The following TMBIM1 variants were observed in gnomAD, a reference collection of about 807,000 sequenced individuals.
TMBIM1 encodes the protein protein lifeguard 3.
A neutral mutation model predicts 45.1 loss-of-function variants in TMBIM1; 34 were observed. That is an observed-to-expected ratio of 0.75 (90% CI 0.57 to 1.00). The LOEUF (loss-of-function observed/expected upper bound fraction) is 1.00. TMBIM1 is among the 50% of genes least tolerant of loss of function. The pLI is 0.00. For synonymous variants in TMBIM1, 157 were observed against 153.5 expected (o/e 1.02, Z -0.17); for missense variants, 374 against 402.4 (o/e 0.93, Z 0.60).
intron 3 of TMBIM1, 190 bp from the exon 4 acceptor site, chr2:218,279,543 C>A: frequency 1.8e-6 from 1 of 542,978 alleles, no homozygotes. Flanking sequence ...TCCCATGCTC[C>A]CTGCCATCTC....
chr2:218,289,896 A>G (rs1322618339), intron 1 of TMBIM1: 1 of 152,228 alleles, frequency 6.6e-6, no homozygotes, highest in Non-Finnish European at 1.5e-5. Flanking sequence ...CTGGGTGATC[A>G]GTTACGCCCG....
At chr2:218,277,534 C>T in intron 8 of TMBIM1, 81 bp from the exon 9 acceptor site, 3 of 1,606,390 alleles carry the variant, frequency 1.9e-6, no homozygotes, top group Non-Finnish European at 2.6e-6. Context: ...CAGAGGGGAC[C>T]TGCCCAGAAT....
chr2:218,283,050 G>A (rs1464297947), intron 1 of TMBIM1, among the ~76,000 whole-genome samples: 2 of 152,186 alleles, frequency 1.3e-5, no homozygotes, highest in Non-Finnish European at 2.9e-5. Context: ...GGCTCTCTGT[G>A]AGTTCTACCT....
rs11403316 is a variant in TMBIM1 at position 218,276,641 on chromosome 2, A to ACC, written c.735+361_735+362dup. On this transcript the variant is annotated intron_variant, in intron 10 of 11. Coordinates refer to ENST00000258412, the MANE Select transcript of TMBIM1 (RefSeq NM_022152.6). ...ATAAAGGAAATAATTGGATCCAGAG[A>ACC]CCCCCGCAAGGTCCCTTCCACCTAG... 1.8e-4 allele frequency among the ~76,000 whole-genome samples: 27 copies of ACC among 151,776 alleles called. No homozygotes were observed. The South Asian group carries it at 4.4e-3, about 25-fold the overall frequency.
intron 1 of TMBIM1, among the ~76,000 whole-genome samples, chr2:218,285,466 C>G (rs1047054706): frequency 6.6e-6 from 1 of 152,082 alleles, no homozygotes; most frequent in Non-Finnish European, 1.5e-5. Context: ...AGCCAAACTA[C>G]TCAGGCCCTC....
At chr2:218,289,384 G>GT (rs1464854999) in intron 1 of TMBIM1, among the ~76,000 whole-genome samples, 1 of 152,132 alleles carries the variant, frequency 6.6e-6, no homozygotes, top group Admixed American at 6.5e-5. Context: ...GCTCATGCCT[G>GT]TAATCCCAGC....
At chr2:218,277,201 T>C in intron 9 of TMBIM1, 102 bp from the exon 10 acceptor site, 1 of 1,196,446 alleles carries the variant, frequency 8.4e-7, no homozygotes, top group South Asian at 1.2e-5. Context: ...CTAGGGGGTA[T>C]GGGAATGTCC....
At chr2:218,286,860 GA>G (rs34827205) in intron 1 of TMBIM1, 146,594 of 152,226 alleles carry the variant, frequency 0.96, 70,759 homozygotes, top group Non-Finnish European at 1. Flanking sequence ...GCCCAGAGTG[GA>G]AAAAAATAGC....
chr2:218,279,870 G>A (rs1691690145), intron 3 of TMBIM1, among the ~76,000 whole-genome samples, 156 bp downstream of exon 3: 2 of 152,212 alleles, frequency 1.3e-5, no homozygotes, highest in Non-Finnish European at 2.9e-5. Flanking sequence ...GGTTAGAGAA[G>A]CCAGGTGCCC....
At chr2:218,276,218 C>T in intron 10 of TMBIM1, 139 bp from the exon 11 acceptor site, 1 of 873,288 alleles carries the variant, frequency 1.1e-6, no homozygotes. Flanking sequence ...TACTGCCTTT[C>T]CAGATCTTGG....
chr2:218,274,768 G>C lies in TMBIM1; in HGVS notation c.*707C>G, dbSNP rs1461848853. ...CAGATGGCCACATGTGGCCTGCTCT[G>C]TCTTATAGCGTCACAAGCCAGGAGC... On this transcript the variant is annotated 3_prime_UTR_variant, in exon 12 of 12. Coordinates refer to ENST00000258412, the MANE Select transcript of TMBIM1 (RefSeq NM_022152.6). 2 of 154,880 alleles carry C rather than the reference G, an allele frequency of 1.3e-5. No homozygotes were observed. Among genetic ancestry groups the C allele is most frequent in the Admixed American group, 6.5e-5 (1 of 15,300 alleles). 9.6% of individuals were successfully genotyped at this position (154,880 alleles called of 1,614,324 possible).
chr2:218,282,194 A>AC lies in TMBIM1; in HGVS notation c.-40-14_-40-13insG. The AC allele has an allele frequency of 7.2e-7, 1 of 1,380,050 alleles. No homozygotes were observed. The highest frequency in any genetic ancestry group is 9.6e-7 in the Non-Finnish European group (1 of 1,045,262). 85.5% of individuals were successfully genotyped at this position (1,380,050 alleles called of 1,614,324 possible). On this transcript the variant is annotated splice_polypyrimidine_tract_variant and intron_variant, in intron 1 of 11. Transcript: ENST00000258412. ...CAGCTGCTGGGACCTGAAATGGGAG[A>AC]GGAGAAAAGCAATCGTGAATGCCCA... is the stretch of plus-strand genomic sequence containing the variant.
rs186820594 is a variant in TMBIM1 at position 218,284,500 on chromosome 2, C to T, written c.-40-2319G>A. Among the ~76,000 whole-genome samples the T allele has an allele frequency of 5.8e-3, 889 of 152,344 alleles. 10 individuals are homozygous for T. The highest frequency in any genetic ancestry group is 0.027 in the Admixed American group (409 of 15,300). ...AGAAGGGTCAGCCTCGGATGGGCCACGGGGACTCCAAGGTTCTGGTGCAGC... is the reference window on the plus strand; with the variant it reads ...AGAAGGGTCAGCCTCGGATGGGCCATGGGGACTCCAAGGTTCTGGTGCAGC... On this transcript the variant is annotated intron_variant, in intron 1 of 11. Transcript: ENST00000258412.
intron 2 of TMBIM1, among the ~76,000 whole-genome samples, chr2:218,281,347 G>A (rs1374599731): frequency 6.6e-6 from 1 of 152,038 alleles, no homozygotes; most frequent in Non-Finnish European, 1.5e-5. Flanking sequence ...ATGTTGGCCA[G>A]GCTGGTCTCG....
At chr2:218,281,804 G>C in intron 2 of TMBIM1, 136 bp downstream of exon 2, 1 of 788,614 alleles carries the variant, frequency 1.3e-6, no homozygotes. Context: ...CAGAAACAGA[G>C]GGAGAGATCT....
intron 1 of TMBIM1, 141 bp from the exon 2 acceptor site, chr2:218,282,322 T>C: frequency 3.7e-6 from 2 of 535,142 alleles, no homozygotes; most frequent in Non-Finnish European, 6.3e-6. Context: ...AGCGTGTGAT[T>C]TGCTGTCCAC....
At chr2:218,282,485 TG>T (rs1293688548) in intron 1 of TMBIM1, among the ~76,000 whole-genome samples, 1 of 152,222 alleles carries the variant, frequency 6.6e-6, no homozygotes, top group Non-Finnish European at 1.5e-5. Flanking sequence ...GGGAACTCCC[TG>T]TTGTGGTTTA....
chr2:218,281,976 G>C lies in TMBIM1; in HGVS notation c.166C>G (p.Pro56Ala), dbSNP rs921721194. 6 of 1,605,216 alleles carry C rather than the reference G, an allele frequency of 3.7e-6. No individual in the cohort carries two copies. In the African/African-American group the frequency reaches 8.0e-5, roughly 21 times the overall value. ...GYGHPAGYPQ[P>A]MPPTHPMPMN... is the part of the protein sequence containing the mutation. ...GGCATCGGGTGGGTGGGGGGCATGG[G>C]CTGTGGGTAGCCAGCAGGGTGACCG... Residue 56 changes from proline (P) to alanine (A), a missense_variant, in exon 2 of 12, where the codon CCC (proline) becomes GCC (alanine). Physicochemically the swap from Pro to Ala is conservative, Grantham distance 27. Transcript: ENST00000258412.
chr2:218,277,446 G>A lies in TMBIM1; in HGVS notation c.559C>T (p.Gln187Ter). 1 of 1,614,122 alleles carries A rather than the reference G, an allele frequency of 6.2e-7. No individual in the cohort carries two copies. Among genetic ancestry groups the A allele is most frequent in the Middle Eastern group, 1.6e-4 (1 of 6,062 alleles). Residue 187 changes from glutamine to a stop codon, truncating the protein, a stop_gained, in exon 9 of 12, where the codon CAA becomes TAA. Transcript: ENST00000258412. LOFTEE classifies it high-confidence loss of function. ...ATTGCAATGATGACGGCTTTGGTTT[G>A]GTACATACTGGGGAGAAGCAGGAGT... The part of the protein sequence containing the change: ...FMTGTISSMY[Q>*]TKAVIIAMII...
Sources: allele counts gnomAD v4.1 joint callset (sites outside exome capture counted in the v4.1 genomes callset), GRCh38; gene constraint gnomAD v4.1.1; transcripts MANE v1.5; gene names NCBI Gene and HGNC (gene_info 2026-07-23, HGNC 2026-07-21).